Variants in STK32B observed in about 807,000 individuals in gnomAD.
STK32B encodes serine/threonine-protein kinase 32B.
A neutral mutation model predicts 52.6 loss-of-function variants in STK32B; 43 were observed. The ratio of observed to expected loss-of-function variants is 0.82; its 90% CI spans 0.64 to 1.05. STK32B has a LOEUF of 1.05. Ranked by LOEUF, STK32B falls within the 50% of genes least tolerant of loss-of-function variation. The probability of loss-of-function intolerance (pLI) is 0.00; values close to 1 mark genes in which losing one functional copy is unlikely to be tolerated. For missense variants in STK32B, 621 were observed against 534.6 expected (o/e 1.16, Z -1.59); for synonymous variants, 238 against 204.3 (o/e 1.17, Z -1.41).
intron 3 of STK32B, among the ~76,000 whole-genome samples, chr4:5,307,546 A>ATTTTTTTTTTTTTTTTTTTTTTTTTTTT (rs769423490): frequency 7.6e-6 from 1 of 131,098 alleles, no homozygotes. Flanking sequence ...CATATGCTCT[A>ATTTTTTTTTTTTTTTTTTTTTTTTTTTT]TCTTTTTTTT....
chr4:5,360,502 G>T (rs147841163), intron 4 of STK32B, among the ~76,000 whole-genome samples: 2 of 152,302 alleles, frequency 1.3e-5, no homozygotes, highest in East Asian at 3.9e-4. Flanking sequence ...CCGTGTGTGC[G>T]CTCTACTGTG....
At chr4:5,191,657 C>T (rs565654827) in intron 3 of STK32B, among the ~76,000 whole-genome samples, 32 of 152,172 alleles carry the variant, frequency 2.1e-4, no homozygotes, top group Non-Finnish European at 4.0e-4. Context: ...TAGATAGTCT[C>T]TCCTGCTCAG....
intron 4 of STK32B, among the ~76,000 whole-genome samples, chr4:5,379,610 A>C (rs1322535441): frequency 6.6e-6 from 1 of 152,186 alleles, no homozygotes; most frequent in African/African-American, 2.4e-5. Context: ...ATTAAGTTAA[A>C]GTGAGGTCAT....
chr4:5,242,187 C>T (rs1372461910), intron 3 of STK32B, among the ~76,000 whole-genome samples: 2 of 151,062 alleles, frequency 1.3e-5, no homozygotes, highest in Non-Finnish European at 3.0e-5. Flanking sequence ...GTTTACAGTC[C>T]CACCAACAGT....
chr4:5,268,276 A>C (rs1185369506), intron 3 of STK32B, among the ~76,000 whole-genome samples: 1 of 152,170 alleles, frequency 6.6e-6, no homozygotes, highest in Non-Finnish European at 1.5e-5. Flanking sequence ...CTCTCACCAC[A>C]TGCCAGCCAC....
rs1730723241 is a variant in STK32B at position 5,316,300 on chromosome 4, T to TTATATAC, written c.261-14920_261-14919insTATATAC. ...AATATATTATATACAATATTATATA[T>TTATATAC]AATATATATATTGTATATTATATAT... is the stretch of plus-strand genomic sequence containing the variant. On this transcript the variant is annotated intron_variant, in intron 3 of 11. Transcript: ENST00000282908. Among the ~76,000 whole-genome samples the TTATATAC allele has an allele frequency of 1.2e-4, 7 of 58,460 alleles. 1 individual carries two copies. Among genetic ancestry groups the TTATATAC allele is most frequent in the African/African-American group, 9.2e-4 (7 of 7,650 alleles). The allele number at this position is 58,460 out of a possible 152,430, so 38.4% of individuals were successfully genotyped here.
At chr4:5,157,057 T>C (rs1024372640) in intron 2 of STK32B, among the ~76,000 whole-genome samples, 1 of 152,108 alleles carries the variant, frequency 6.6e-6, no homozygotes, top group East Asian at 1.9e-4. Context: ...ACAAATCCAT[T>C]TGGGAATTAG....
At chr4:5,028,135 C>A in the STK32B span, among the ~76,000 whole-genome samples, 1 of 152,178 alleles carries the variant, frequency 6.6e-6, no homozygotes, top group Admixed American at 6.5e-5. Context: ...GTTCTTACAG[C>A]AGTTACTTTG....
intron 3 of STK32B, among the ~76,000 whole-genome samples, chr4:5,291,172 G>T (rs28881275): frequency 0.073 from 11,157 of 152,056 alleles, 464 homozygotes; most frequent in South Asian, 0.099. Context: ...ATGTCCATAG[G>T]AATTTTAATA....
chr4:5,081,084 A>G (rs1244051769), intron 1 of STK32B, among the ~76,000 whole-genome samples: 2 of 152,228 alleles, frequency 1.3e-5, no homozygotes, highest in African/African-American at 4.8e-5. Context: ...TGCATTTAGC[A>G]TAATGTCCAT....
chr4:5,127,668 A>G (rs1715487895), intron 1 of STK32B, among the ~76,000 whole-genome samples: 1 of 152,196 alleles, frequency 6.6e-6, no homozygotes. Flanking sequence ...CATAAAGGGG[A>G]AGGCCATGTG....
intron 11 of STK32B, among the ~76,000 whole-genome samples, chr4:5,487,883 C>A (rs1413365831): frequency 6.6e-6 from 1 of 152,114 alleles, no homozygotes; most frequent in Non-Finnish European, 1.5e-5. Context: ...TTGTGGCCCA[C>A]ACATGAGGCA....
At position 5,271,701 on chromosome 4, in the gene STK32B, C is replaced by T. The variant is rs557365603; in HGVS notation, c.261-59519C>T. ...TCCTTGAGCAGTGGTTTGTAGTTCT[C>T]CTTGAAGAGGTCCTTCACATCCCTT... On this transcript the variant is annotated intron_variant, in intron 3 of 11. Coordinates refer to ENST00000282908, the MANE Select transcript of STK32B (RefSeq NM_018401.3). Among the ~76,000 whole-genome samples, 4 of 146,484 alleles carry T rather than the reference C, an allele frequency of 2.7e-5. No individual in the cohort carries two copies. In the East Asian group the frequency reaches 7.9e-4, roughly 29 times the overall value.
At chr4:5,103,682 T>C (rs1197188596) in intron 1 of STK32B, among the ~76,000 whole-genome samples, 1 of 152,158 alleles carries the variant, frequency 6.6e-6, no homozygotes, top group African/African-American at 2.4e-5. Context: ...TCTTGGGATT[T>C]AGAAGATATT....
At chr4:5,056,684 T>A (rs780724067) in intron 1 of STK32B, among the ~76,000 whole-genome samples, 4 of 152,222 alleles carry the variant, frequency 2.6e-5, no homozygotes, top group Non-Finnish European at 5.9e-5. Context: ...CACGGTTACT[T>A]TGATGGGCTC....
intron 11 of STK32B, among the ~76,000 whole-genome samples, chr4:5,468,785 G>A (rs182140883): frequency 3.9e-3 from 591 of 152,204 alleles, no homozygotes; most frequent in Non-Finnish European, 6.3e-3. Flanking sequence ...AGAGGAGGCC[G>A]GGCGCGGTGG....
the STK32B span, among the ~76,000 whole-genome samples, chr4:5,043,434 A>T: frequency 6.6e-6 from 1 of 152,234 alleles, no homozygotes; most frequent in Non-Finnish European, 1.5e-5. Flanking sequence ...AGTTTTGCTT[A>T]TATCTCTCAT....
intron 3 of STK32B, among the ~76,000 whole-genome samples, chr4:5,317,227 T>TAC (rs1731069853): frequency 2.2e-5 from 1 of 46,502 alleles, no homozygotes; most frequent in African/African-American, 2.4e-4. Context: ...ATATATATTA[T>TAC]ATATAACATA....
the STK32B span, among the ~76,000 whole-genome samples, chr4:5,043,385 C>G: frequency 2.0e-5 from 3 of 152,302 alleles, no homozygotes; most frequent in Non-Finnish European, 4.4e-5. Flanking sequence ...ACTTAGTTTT[C>G]AAGCATATTT....
Sources: allele counts gnomAD v4.1 joint callset (sites outside exome capture counted in the v4.1 genomes callset), GRCh38; gene constraint gnomAD v4.1.1; transcripts MANE v1.5; gene names NCBI Gene and HGNC (gene_info 2026-07-23, HGNC 2026-07-21).